Variants in EVI5 observed in about 807,000 individuals in gnomAD.
EVI5 encodes the protein ecotropic viral integration site 5.
Under a neutral mutation model 112.0 loss-of-function variants are expected in EVI5, and 73 were observed. The observed-to-expected ratio is 0.65, with a 90% CI of 0.54 to 0.79. The LOEUF (loss-of-function observed/expected upper bound fraction) is 0.79. EVI5 is among the 30% of genes least tolerant of loss of function. EVI5 has a pLI of 0.00. For synonymous variants in EVI5, 305 were observed against 319.9 expected (o/e 0.95, Z 0.50); for missense variants, 900 against 968.8 (o/e 0.93, Z 0.94).
chr1:92,718,411 T>C (rs755544397), intron 2 of EVI5, among the ~76,000 whole-genome samples: 6 of 152,118 alleles, frequency 3.9e-5, no homozygotes, highest in Admixed American at 6.6e-5. Flanking sequence ...CACAATTATA[T>C]GGAAACTGAA....
intron 1 of EVI5, among the ~76,000 whole-genome samples, chr1:92,790,418 A>G (rs949175978): frequency 6.6e-6 from 1 of 152,094 alleles, no homozygotes; most frequent in Non-Finnish European, 1.5e-5. Context: ...CAAATATAGA[A>G]CATTTCCACT....
intron 1 of EVI5, among the ~76,000 whole-genome samples, chr1:92,770,704 G>A (rs1223327159): frequency 5.9e-5 from 9 of 151,602 alleles, no homozygotes; most frequent in African/African-American, 2.2e-4. Flanking sequence ...GCAGGAGAAT[G>A]GTGTGAACCC....
At chr1:92,629,037 A>T (rs949911051) in intron 14 of EVI5, among the ~76,000 whole-genome samples, 1 of 152,208 alleles carries the variant, frequency 6.6e-6, no homozygotes. Flanking sequence ...TTTTGAATGG[A>T]ACCCAAATAC....
intron 19 of EVI5, among the ~76,000 whole-genome samples, chr1:92,553,765 C>G (rs1667317552): frequency 6.6e-6 from 1 of 152,134 alleles, no homozygotes; most frequent in South Asian, 2.1e-4. Flanking sequence ...TTTTCCCAGA[C>G]TACAGTATGT....
At chr1:92,742,145 G>A (rs1324218488) in intron 1 of EVI5, among the ~76,000 whole-genome samples, 3 of 151,980 alleles carry the variant, frequency 2.0e-5, no homozygotes, top group Non-Finnish European at 4.4e-5. Flanking sequence ...TAAAAGATGA[G>A]CAAAGGATTT....
chr1:92,605,268 CTA>C, intron 18 of EVI5, 37 bp downstream of exon 18: 1 of 1,305,780 alleles, frequency 7.7e-7, no homozygotes, highest in Non-Finnish European at 1.1e-6. Flanking sequence ...ATAGAAGAAA[CTA>C]TATTTTTACA....
At chr1:92,790,488 A>G (rs1192746453) in intron 1 of EVI5, among the ~76,000 whole-genome samples, 2 of 151,772 alleles carry the variant, frequency 1.3e-5, no homozygotes, top group Admixed American at 6.6e-5. Flanking sequence ...ACTCCATTTC[A>G]ACTCCTACTA....
chr1:92,772,778 C>T (rs1047864627), intron 1 of EVI5, among the ~76,000 whole-genome samples: 1 of 151,850 alleles, frequency 6.6e-6, no homozygotes, highest in Non-Finnish European at 1.5e-5. Context: ...TGGTGTCAGG[C>T]ACCTGTAATC....
intron 18 of EVI5, chr1:92,580,757 C>G (rs1334818820): frequency 1.9e-5 from 3 of 157,206 alleles, no homozygotes; most frequent in African/African-American, 7.2e-5. Flanking sequence ...CACTGGTTGC[C>G]CAGGGCTTTG....
intron 18 of EVI5, among the ~76,000 whole-genome samples, chr1:92,570,360 C>G (rs1301656687): frequency 6.6e-6 from 1 of 151,900 alleles, no homozygotes; most frequent in Non-Finnish European, 1.5e-5. Context: ...TGAGGTCATA[C>G]TCACTCCCTT....
At chr1:92,626,576 A>G (rs147236098) in intron 14 of EVI5, among the ~76,000 whole-genome samples, 1 of 152,160 alleles carries the variant, frequency 6.6e-6, no homozygotes, top group Admixed American at 6.5e-5. Flanking sequence ...TAATTGTTCT[A>G]TGTTTAACTT....
intron 2 of EVI5, among the ~76,000 whole-genome samples, chr1:92,711,402 T>C (rs1672835514): frequency 6.6e-6 from 1 of 152,208 alleles, no homozygotes; most frequent in African/African-American, 2.4e-5. Context: ...CAGCAACTGG[T>C]CAACATGCCA....
At chr1:92,595,653 G>C (rs1257939488) in intron 18 of EVI5, among the ~76,000 whole-genome samples, 1 of 152,186 alleles carries the variant, frequency 6.6e-6, no homozygotes, top group Non-Finnish European at 1.5e-5. Context: ...TGACAGATTT[G>C]AAGGATTCTT....
intron 2 of EVI5, among the ~76,000 whole-genome samples, chr1:92,723,804 C>A (rs1042212249): frequency 6.6e-6 from 1 of 152,036 alleles, no homozygotes; most frequent in African/African-American, 2.4e-5. Context: ...GCAGAAATAT[C>A]GCTGAATTAT....
intron 14 of EVI5, among the ~76,000 whole-genome samples, chr1:92,629,921 G>A (rs776222173): frequency 1.6e-4 from 24 of 150,888 alleles, no homozygotes; most frequent in Non-Finnish European, 2.8e-4. Context: ...GTGGTGTTTG[G>A]TATTTTGTCC....
At chr1:92,636,055 C>A in intron 14 of EVI5, 147 bp downstream of exon 14, 1 of 620,534 alleles carries the variant, frequency 1.6e-6, no homozygotes, top group Non-Finnish European at 2.6e-6. Flanking sequence ...TTTTAAAAAT[C>A]TTTTTTTCCT....
intron 18 of EVI5, among the ~76,000 whole-genome samples, chr1:92,595,297 C>T (rs1409207973): frequency 1.3e-5 from 2 of 151,592 alleles, no homozygotes; most frequent in Admixed American, 1.3e-4. Flanking sequence ...CCATCATTCT[C>T]AGCAAACTAT....
At chr1:92,602,518 T>A (rs1261630702) in intron 18 of EVI5, among the ~76,000 whole-genome samples, 2 of 152,110 alleles carry the variant, frequency 1.3e-5, no homozygotes, top group Non-Finnish European at 2.9e-5. Flanking sequence ...CATTCCACCT[T>A]AGCCTTCCAA....
At chr1:92,788,910 A>AT (rs1685877880), upstream of EVI5, among the ~76,000 whole-genome samples, 1 of 152,226 alleles carries the variant, frequency 6.6e-6, no homozygotes, top group African/African-American at 2.4e-5. Flanking sequence ...GGCTGTATAC[A>AT]TACACTATTT....
Sources: allele counts gnomAD v4.1 joint callset (sites outside exome capture counted in the v4.1 genomes callset), GRCh38; gene constraint gnomAD v4.1.1; transcripts MANE v1.5; gene names NCBI Gene and HGNC (gene_info 2026-07-23, HGNC 2026-07-21).